ZSCAN5A: variants seen among roughly 807,000 people sequenced by gnomAD.
ZSCAN5A encodes zinc finger and SCAN domain containing 5A, also known as zinc finger and SCAN domain-containing protein 5A.
In ZSCAN5A, 12 loss-of-function variants were observed where a neutral mutation model predicts 23.7. The ratio of observed to expected loss-of-function variants is 0.51; its 90% CI spans 0.32 to 0.82. ZSCAN5A has a LOEUF of 0.82. ZSCAN5A is among the 40% of genes least tolerant of loss of function. ZSCAN5A has a pLI of 0.03. For synonymous variants in ZSCAN5A, 257 were observed against 239.9 expected, an observed-to-expected ratio of 1.07 and a Z score of -0.66; for missense variants, 597 against 617.9, an observed-to-expected ratio of 0.97 and a Z score of 0.36.
chr19:56,359,047 TAGC>T (rs1197430454), intron 2 of ZSCAN5A, among the ~76,000 whole-genome samples: 2 of 151,698 alleles, frequency 1.3e-5, no homozygotes, highest in Admixed American at 1.3e-4. Flanking sequence ...ATTTCAGAGT[TAGC>T]AGAAGACAAG....
At chr19:56,276,730 T>A (rs2038295301) in intron 2 of ZSCAN5A, among the ~76,000 whole-genome samples, 1 of 151,762 alleles carries the variant, frequency 6.6e-6, no homozygotes, top group African/African-American at 2.4e-5. Flanking sequence ...ATAGACGGGG[T>A]TTCACCATGT....
intron 2 of ZSCAN5A, among the ~76,000 whole-genome samples, chr19:56,335,642 T>G (rs1353700535): frequency 2.0e-5 from 3 of 152,254 alleles, no homozygotes; most frequent in Non-Finnish European, 4.4e-5. Context: ...GTTAGCTGGT[T>G]ATTTTGCTCA....
At chr19:56,320,529 T>C in intron 2 of ZSCAN5A, 1 of 435,226 alleles carries the variant, frequency 2.3e-6, no homozygotes, top group African/African-American at 2.0e-5. Context: ...GGAGAATCGC[T>C]TGAACCCAGG....
At chr19:56,263,768 T>C (rs1291982448) in intron 2 of ZSCAN5A, 1 of 152,162 alleles carries the variant, frequency 6.6e-6, no homozygotes, top group Non-Finnish European at 1.5e-5. Context: ...TAAAGAAGTA[T>C]AGATTTCATA....
intron 2 of ZSCAN5A, among the ~76,000 whole-genome samples, chr19:56,300,410 C>T (rs1197518041): frequency 6.6e-6 from 1 of 152,100 alleles, no homozygotes; most frequent in Non-Finnish European, 1.5e-5. Flanking sequence ...TTGGCTTAAT[C>T]CAAGGGAAAA....
At chr19:56,303,049 T>C in intron 2 of ZSCAN5A, 2 of 395,366 alleles carry the variant, frequency 5.1e-6, no homozygotes. Context: ...TGGAAGCCTT[T>C]CTGCAGGAGG....
At chr19:56,344,437 T>C (rs1449737668) in intron 2 of ZSCAN5A, among the ~76,000 whole-genome samples, 1 of 152,222 alleles carries the variant, frequency 6.6e-6, no homozygotes, top group Non-Finnish European at 1.5e-5. Context: ...TGACACCTTA[T>C]AGTATTTGGC....
At chr19:56,304,335 G>C (rs1366751554) in intron 2 of ZSCAN5A, among the ~76,000 whole-genome samples, 1 of 152,234 alleles carries the variant, frequency 6.6e-6, no homozygotes, top group Non-Finnish European at 1.5e-5. Flanking sequence ...TAGTGGTTCT[G>C]AAACGGGGGT....
intron 2 of ZSCAN5A, among the ~76,000 whole-genome samples, chr19:56,273,261 C>T (rs151204596): frequency 9.2e-5 from 14 of 152,288 alleles, no homozygotes; most frequent in Middle Eastern, 3.4e-3. Flanking sequence ...GACGAGCTTA[C>T]GTTGTGCAGT....
intron 2 of ZSCAN5A, chr19:56,244,300 G>A (rs201477352): frequency 7.5e-6 from 12 of 1,609,836 alleles, no homozygotes; most frequent in Non-Finnish European, 1.0e-5. Context: ...TCCTGGACAT[G>A]CTGGTGATGG....
At chr19:56,353,675 G>A (rs1004657227) in intron 2 of ZSCAN5A, among the ~76,000 whole-genome samples, 2 of 151,950 alleles carry the variant, frequency 1.3e-5, no homozygotes, top group Admixed American at 6.6e-5. Context: ...CCAGCTACTC[G>A]GAAGGCTGAG....
At chr19:56,243,777 G>A (rs1452755424) in intron 2 of ZSCAN5A, among the ~76,000 whole-genome samples, 2 of 152,250 alleles carry the variant, frequency 1.3e-5, no homozygotes, top group South Asian at 2.1e-4. Flanking sequence ...TGTAGACAGC[G>A]GAAGAGTAAC....
At chr19:56,303,295 T>C (rs2040468584) in intron 2 of ZSCAN5A, among the ~76,000 whole-genome samples, 1 of 151,786 alleles carries the variant, frequency 6.6e-6, no homozygotes, top group Non-Finnish European at 1.5e-5. Flanking sequence ...CTGGTCAACA[T>C]GGTGAAACCC....
At position 56,242,036 on chromosome 19, in the gene ZSCAN5A, T is replaced by A. The variant is rs1348232966; in HGVS notation, c.-127-16863A>T. ...TTTTGGAGTCCACGTCCTGATTTCC[T>A]TTCCTCTGTGTACCTGCCCCGGAGC... On this transcript the variant is annotated intron_variant, in intron 2 of 5. Transcript: ENST00000683990. 1.1e-4 allele frequency among the ~76,000 whole-genome samples: 17 copies of A among 152,248 alleles called. No homozygotes were observed. The East Asian group carries it at 2.9e-3, about 26-fold the overall frequency.
intron 2 of ZSCAN5A, among the ~76,000 whole-genome samples, chr19:56,243,025 C>G (rs1329304869): frequency 1.3e-5 from 2 of 152,152 alleles, no homozygotes; most frequent in Non-Finnish European, 2.9e-5. Context: ...GTGATCCTCC[C>G]GTCTTGGCCT....
chr19:56,342,894 C>T (rs2041605235), intron 2 of ZSCAN5A: 6 of 1,020,070 alleles, frequency 5.9e-6, no homozygotes, highest in Non-Finnish European at 9.4e-6. Context: ...CAGGTAGTCT[C>T]CCCATCCTGA....
At chr19:56,270,354 GC>G (rs1163667742) in intron 2 of ZSCAN5A, among the ~76,000 whole-genome samples, 1 of 152,100 alleles carries the variant, frequency 6.6e-6, no homozygotes, top group Non-Finnish European at 1.5e-5. Flanking sequence ...GGAGGCGGAG[GC>G]TTGCAGTGAG....
intron 2 of ZSCAN5A, among the ~76,000 whole-genome samples, chr19:56,230,908 C>T (rs1213280243): frequency 6.6e-6 from 1 of 152,168 alleles, no homozygotes; most frequent in Non-Finnish European, 1.5e-5. Context: ...TATAATAGAG[C>T]ACTGAATATC....
chr19:56,297,175 G>A (rs180696022), intron 2 of ZSCAN5A, among the ~76,000 whole-genome samples: 27 of 152,210 alleles, frequency 1.8e-4, no homozygotes, highest in African/African-American at 6.3e-4. Context: ...AGGCATTCCA[G>A]GAAGAGAGAA....
Sources: gnomAD v4.1 joint callset for allele counts (sites outside exome capture counted in the v4.1 genomes callset) on GRCh38, gnomAD v4.1.1 for gene constraint, MANE v1.5 for transcripts, NCBI Gene and HGNC (gene_info 2026-07-23, HGNC 2026-07-21) for gene names.